USP48: variants seen among roughly 807,000 people sequenced by gnomAD.
USP48 encodes the protein ubiquitin carboxyl-terminal hydrolase 48.
A neutral mutation model predicts 150.7 loss-of-function variants in USP48; 43 were observed. The ratio of observed to expected loss-of-function variants is 0.29; its 90% confidence interval spans 0.22 to 0.37. The LOEUF is 0.37. USP48 is among the 10% of genes least tolerant of loss of function. USP48 has a pLI of 1.00. For synonymous variants in USP48, 396 were observed against 425.9 expected (o/e 0.93, Z 0.86); for missense variants, 813 against 1,249.6 (o/e 0.65, Z 5.27).
chr1:21,752,691 C>T (rs192209015), intron 4 of USP48, 40 bp from the exon 5 acceptor site: 204 of 1,558,114 alleles, frequency 1.3e-4, no homozygotes, highest in Non-Finnish European at 1.7e-4. Context: ...TCATATCTTG[C>T]TTTTCAACTT....
rs1553146160 is a variant in USP48, at chr1:21,765,625, A to AAG, written c.135-7843_135-7842insCT. 5.4e-5 allele frequency among the ~76,000 whole-genome samples: 8 copies of AAG among 149,260 alleles called. No individual in the cohort carries two copies. In the South Asian group the frequency reaches 1.5e-3, roughly 28 times the overall value. Reference sequence around the variant, plus strand: ...GAGCGAGACTCTGTCAAAAAAAAAAAGGGGGGGACAGCCCGAAGCTGAACA... The same window carrying AAG: ...GAGCGAGACTCTGTCAAAAAAAAAAAAGGGGGGGGACAGCCCGAAGCTGAACA... On this transcript the variant is annotated intron_variant, in intron 1 of 26. Coordinates refer to ENST00000308271, the MANE Select transcript of USP48 (RefSeq NM_032236.8).
At chr1:21,727,787 T>C in intron 11 of USP48, 1 of 821,818 alleles carries the variant, frequency 1.2e-6, no homozygotes, top group South Asian at 5.6e-5. Flanking sequence ...TTTGTTTACA[T>C]TTTGCTTAAA....
chr1:21,718,512 C>T (rs2097711000), intron 14 of USP48, among the ~76,000 whole-genome samples: 1 of 151,762 alleles, frequency 6.6e-6, no homozygotes, highest in South Asian at 2.1e-4. Flanking sequence ...TCTATTATGG[C>T]ATCCAATTTT....
At position 21,738,877 on chromosome 1, in the gene USP48, T is replaced by C. The variant is rs1016851833; in HGVS notation, c.992-2252A>G. On this transcript the variant is annotated intron_variant, in intron 8 of 26. Coordinates refer to ENST00000308271, the MANE Select transcript of USP48 (RefSeq NM_032236.8). ...ACAGAGTCCCTGCATTCTTGAAGCATAGATGGGGAAACAGTAATGCAGATT... is the reference window on the plus strand; with the variant it reads ...ACAGAGTCCCTGCATTCTTGAAGCACAGATGGGGAAACAGTAATGCAGATT... 8.5e-5 allele frequency among the ~76,000 whole-genome samples: 13 copies of C among 152,120 alleles called. 1 individual carries two copies. The highest frequency in any genetic ancestry group is 8.5e-4 in the Admixed American group (13 of 15,268).
At chr1:21,695,507 C>T (rs564537254) in intron 22 of USP48, among the ~76,000 whole-genome samples, 3 of 152,134 alleles carry the variant, frequency 2.0e-5, no homozygotes, top group African/African-American at 7.2e-5. Flanking sequence ...ACCTATAATC[C>T]CAGGAGTTCA....
At chr1:21,692,632 C>T (rs1480265202) in intron 23 of USP48, among the ~76,000 whole-genome samples, 3 of 152,094 alleles carry the variant, frequency 2.0e-5, no homozygotes, top group South Asian at 2.1e-4. Context: ...AAGAAGCTAC[C>T]GTGTGTCAAG....
intron 1 of USP48, 116 bp downstream of exon 1, chr1:21,782,708 C>G: frequency 1.5e-6 from 2 of 1,379,068 alleles, no homozygotes; most frequent in Non-Finnish European, 1.9e-6. Context: ...CCACCTCGCT[C>G]GGCTCCGCGC....
chr1:21,775,250 GTTATT>G (rs956556712), intron 1 of USP48, among the ~76,000 whole-genome samples: 2 of 151,614 alleles, frequency 1.3e-5, no homozygotes, highest in Non-Finnish European at 2.9e-5. Context: ...CCTCGTTAGG[GTTATT>G]TTGTTTGGTT....
At chr1:21,729,281 C>CAA (rs57704127) in intron 10 of USP48, among the ~76,000 whole-genome samples, 77 of 90,402 alleles carry the variant, frequency 8.5e-4, no homozygotes, top group South Asian at 2.6e-3. Context: ...GACTCCGCCT[C>CAA]AAAAAAAAAA....
Position 21,680,842 on chromosome 1 carries a change from AAAG to A in USP48, c.3059-11_3059-9del. 1 of 1,585,488 alleles carries A rather than the reference AAAG, an allele frequency of 6.3e-7. No individual in the cohort carries two copies. Among genetic ancestry groups the A allele is most frequent in the African/African-American group, 1.4e-5 (1 of 72,974 alleles). On this transcript the variant is annotated splice_polypyrimidine_tract_variant and intron_variant, in intron 25 of 26. Transcript: ENST00000308271. The stretch of plus-strand genomic sequence containing the variant: ...CTTCTTCTGGCATACAAACTGAAAA[AAAG>A]AAAAAAAGAAGAATTCCAAATTGAA...
At chr1:21,765,670 G>A (rs989933254) in intron 1 of USP48, among the ~76,000 whole-genome samples, 1 of 151,426 alleles carries the variant, frequency 6.6e-6, no homozygotes, top group East Asian at 1.9e-4. Flanking sequence ...ACGTTCCGAA[G>A]CTAAACAAGG....
chr1:21,679,766 G>A (rs2097560453), intron 26 of USP48, among the ~76,000 whole-genome samples: 2 of 152,152 alleles, frequency 1.3e-5, no homozygotes, highest in African/African-American at 2.4e-5. Flanking sequence ...TGCAATCCTG[G>A]CTCACTGCAA....
rs557337803 is a variant in USP48 at position 21,706,089 on chromosome 1, G to A, written c.2273+37C>T. ...AAAAATACCAGAGTCAACCAAATCA[G>A]TAACAATAAAGGAAATAAAACATAT... On this transcript the variant is annotated intron_variant, in intron 18 of 26. Transcript: ENST00000308271. The A allele has an allele frequency of 4.2e-4, 672 of 1,599,190 alleles. 9 individuals are homozygous for A. The South Asian group carries it at 7.1e-3, about 17-fold the overall frequency.
rs140288196 is a variant in USP48, at chr1:21,679,295, C to G, written c.*122G>C. 5.0e-6 allele frequency: 6 copies of G among 1,207,568 alleles called. No individual in the cohort carries two copies. The East Asian group carries it at 1.5e-4, about 31-fold the overall frequency. 74.8% of individuals were successfully genotyped at this position (1,207,568 alleles called of 1,614,324 possible). ...GGGACAGTCACGTTTGAATGGATTT[C>G]TGCCTTTTGGAAGGGGCATGTAATG... is the stretch of plus-strand genomic sequence containing the variant. On this transcript the variant is annotated 3_prime_UTR_variant, in exon 27 of 27. Coordinates refer to ENST00000308271, the MANE Select transcript of USP48 (RefSeq NM_032236.8).
chr1:21,749,132 C>G (rs1465980525), intron 6 of USP48, among the ~76,000 whole-genome samples: 1 of 152,144 alleles, frequency 6.6e-6, no homozygotes, highest in Admixed American at 6.5e-5. Context: ...CCAATCATAG[C>G]TAACCGAAGA....
chr1:21,740,192 T>A (rs1446464581), intron 8 of USP48, among the ~76,000 whole-genome samples: 1 of 152,270 alleles, frequency 6.6e-6, no homozygotes, highest in South Asian at 2.1e-4. Flanking sequence ...ATTACAGGCA[T>A]GAGCCACTGC....
intron 8 of USP48, among the ~76,000 whole-genome samples, chr1:21,745,074 T>C (rs1473617079): frequency 1.3e-5 from 2 of 152,198 alleles, no homozygotes; most frequent in African/African-American, 2.4e-5. Context: ...AAATTACATA[T>C]GGTTTGTATT....
chr1:21,776,815 G>A (rs1250106612), intron 1 of USP48, among the ~76,000 whole-genome samples: 8 of 151,970 alleles, frequency 5.3e-5, no homozygotes, highest in South Asian at 2.1e-4. Context: ...TTAGCCGGGC[G>A]TGGTGCCTGC....
At chr1:21,686,834 C>G (rs953296410) in intron 25 of USP48, 1 of 219,664 alleles carries the variant, frequency 4.6e-6, no homozygotes, top group African/African-American at 2.3e-5. Context: ...AAACAAGTAT[C>G]ATGTTATCTT....
Sources: gnomAD v4.1 joint callset for allele counts (sites outside exome capture counted in the v4.1 genomes callset) on GRCh38, gnomAD v4.1.1 for gene constraint, MANE v1.5 for transcripts, NCBI Gene and HGNC (gene_info 2026-07-23, HGNC 2026-07-21) for gene names.